Variants in OSMR observed in about 807,000 individuals in gnomAD.
OSMR encodes the protein oncostatin M receptor.
A neutral mutation model predicts 99.9 loss-of-function variants in OSMR; 81 were observed. That is an observed-to-expected ratio of 0.81 (90% CI 0.68 to 0.97). The LOEUF (loss-of-function observed/expected upper bound fraction) is 0.97, where lower values mean the gene tolerates loss of function less well. Ranked by LOEUF, OSMR falls within the 50% of genes least tolerant of loss-of-function variation. The probability of loss-of-function intolerance (pLI) is 0.00; values close to 1 mark genes in which losing one functional copy is unlikely to be tolerated. For missense variants in OSMR, 1,099 were observed against 1,153.4 expected (o/e 0.95, Z 0.68); for synonymous variants, 406 against 410.4 (o/e 0.99, Z 0.13).
chr5:38,936,829 A>AGTT (rs1473057960), downstream of OSMR, among the ~76,000 whole-genome samples: 1 of 152,368 alleles, frequency 6.6e-6, no homozygotes, highest in African/African-American at 2.4e-5. Flanking sequence ...TTGAAAGCAT[A>AGTT]GTTGTTTTAT....
At chr5:38,857,200 G>A (rs982397782) in intron 1 of OSMR, among the ~76,000 whole-genome samples, 5 of 152,222 alleles carry the variant, frequency 3.3e-5, no homozygotes, top group East Asian at 1.9e-4. Flanking sequence ...ATTTTAAGTA[G>A]TCCTTTTTAA....
intron 1 of OSMR, chr5:38,941,407 AAAGT>A: frequency 4.3e-6 from 1 of 232,076 alleles, no homozygotes; most frequent in East Asian, 6.1e-5. Context: ...CAGGAGATCC[AAAGT>A]ATTATTTAAT....
Sources: gnomAD v4.1 joint callset for allele counts (sites outside exome capture counted in the v4.1 genomes callset) on GRCh38, gnomAD v4.1.1 for gene constraint, MANE v1.5 for transcripts, NCBI Gene and HGNC (gene_info 2026-07-23, HGNC 2026-07-21) for gene names.